EFCAB11: variants seen among roughly 807,000 people sequenced by gnomAD.
EFCAB11 encodes EF-hand calcium-binding domain-containing protein 11.
Under a neutral mutation model 23.0 loss-of-function variants are expected in EFCAB11, and 14 were observed. The ratio of observed to expected loss-of-function variants is 0.61; its 90% CI spans 0.40 to 0.95. The LOEUF is 0.95. EFCAB11 is among the 40% of genes least tolerant of loss of function. EFCAB11 has a pLI of 0.00. For synonymous variants in EFCAB11, 65 were observed against 66.6 expected (o/e 0.98, Z 0.11); for missense variants, 198 against 195.8 (o/e 1.01, Z -0.07).
At chr14:89,817,620 T>C in intron 5 of EFCAB11, among the ~76,000 whole-genome samples, 1 of 152,208 alleles carries the variant, frequency 6.6e-6, no homozygotes, top group East Asian at 1.9e-4. Flanking sequence ...TTCCCAAAGG[T>C]AGACGAAAAT....
chr14:89,883,050 T>C (rs909697681), intron 5 of EFCAB11, among the ~76,000 whole-genome samples: 4 of 152,098 alleles, frequency 2.6e-5, no homozygotes, highest in African/African-American at 7.2e-5. Flanking sequence ...CCAGCTCCCC[T>C]TTGCCTTCCA....
chr14:89,813,893 G>A (rs1397864935), intron 5 of EFCAB11, among the ~76,000 whole-genome samples: 5 of 152,128 alleles, frequency 3.3e-5, no homozygotes, highest in Non-Finnish European at 7.3e-5. Context: ...AGAAACAACC[G>A]TGCTTGACTT....
At chr14:89,842,363 T>C in intron 5 of EFCAB11, among the ~76,000 whole-genome samples, 1 of 152,064 alleles carries the variant, frequency 6.6e-6, no homozygotes, top group East Asian at 1.9e-4. Flanking sequence ...CCGAGGCAGG[T>C]GGATCACCTG....
intron 5 of EFCAB11, among the ~76,000 whole-genome samples, chr14:89,930,275 T>C (rs1039611226): frequency 1.2e-4 from 19 of 152,218 alleles, no homozygotes; most frequent in African/African-American, 4.1e-4. Flanking sequence ...AAATAACCTA[T>C]TTACTAATTT....
intron 5 of EFCAB11, among the ~76,000 whole-genome samples, chr14:89,849,253 A>C (rs1049931769): frequency 1.3e-5 from 2 of 151,648 alleles, no homozygotes; most frequent in Non-Finnish European, 1.5e-5. Flanking sequence ...CTATCCCTCC[A>C]CTCCACCATC....
chr14:89,929,640 C>T (rs1890320126), intron 5 of EFCAB11, among the ~76,000 whole-genome samples: 1 of 152,164 alleles, frequency 6.6e-6, no homozygotes, highest in Admixed American at 6.5e-5. Flanking sequence ...CCTGCCTCGG[C>T]CTCCCAAAGT....
intron 5 of EFCAB11, among the ~76,000 whole-genome samples, chr14:89,832,013 T>C (rs1179448572): frequency 6.6e-6 from 1 of 151,900 alleles, no homozygotes. Context: ...AACTTAGAGA[T>C]CTAAATCCCA....
intron 5 of EFCAB11, among the ~76,000 whole-genome samples, chr14:89,841,174 G>A (rs1257758706): frequency 6.6e-6 from 1 of 152,122 alleles, no homozygotes; most frequent in Admixed American, 6.6e-5. Context: ...ATCTGTCTCA[G>A]CTAATGCTCA....
chr14:89,865,452 C>G lies in EFCAB11; in HGVS notation c.410+66089G>C, dbSNP rs188963180. On this transcript the variant is annotated intron_variant, in intron 5 of 5. Coordinates refer to ENST00000316738, the MANE Select transcript of EFCAB11 (RefSeq NM_145231.4). ...GTCTGAAGAGGGAAGGGATGCTATG[C>G]GGGGAGAGAGAGAGAGAGATACTTT... is the stretch of plus-strand genomic sequence containing the variant. Among the ~76,000 whole-genome samples, 371 of 151,756 alleles carry G rather than the reference C, an allele frequency of 2.4e-3. 1 individual carries two copies. The highest frequency in any genetic ancestry group is 8.5e-3 in the African/African-American group (352 of 41,358).
chr14:89,936,118 T>G (rs1890573145), intron 3 of EFCAB11, among the ~76,000 whole-genome samples: 1 of 152,180 alleles, frequency 6.6e-6, no homozygotes, highest in Admixed American at 6.5e-5. Context: ...AACTGTCACT[T>G]CAGAAACTCC....
chr14:89,924,404 G>A, intron 5 of EFCAB11: 8 of 1,287,388 alleles, frequency 6.2e-6, no homozygotes, highest in Non-Finnish European at 7.9e-6. Context: ...GTCAGGGCAT[G>A]GACCTTATGC....
Position 89,811,778 on chromosome 14 carries a change from G to C in EFCAB11, c.411-14454C>G, listed in dbSNP as rs144832429. Among the ~76,000 whole-genome samples the C allele has an allele frequency of 4.7e-3, 723 of 152,258 alleles. 8 individuals are homozygous for C. The highest frequency in any genetic ancestry group is 0.016 in the African/African-American group (667 of 41,538). On this transcript the variant is annotated intron_variant, in intron 5 of 5. Coordinates refer to ENST00000316738, the MANE Select transcript of EFCAB11 (RefSeq NM_145231.4). ...TTTTAGCCCAATGATGGCCATTTTG[G>C]ATTTTGGCCTCCAGAAATGTAAGAT...
chr14:89,814,558 G>T (rs945129830), intron 5 of EFCAB11, among the ~76,000 whole-genome samples: 3 of 152,086 alleles, frequency 2.0e-5, no homozygotes, highest in Non-Finnish European at 4.4e-5. Context: ...TACAAAATTA[G>T]CCTGGCGTGG....
chr14:89,879,531 A>C (rs1006114974), intron 5 of EFCAB11, among the ~76,000 whole-genome samples: 1 of 152,180 alleles, frequency 6.6e-6, no homozygotes, highest in African/African-American at 2.4e-5. Context: ...CCTCCAAAAA[A>C]AAAATCAAGG....
At chr14:89,801,980 C>T (rs7147466) in intron 5 of EFCAB11, among the ~76,000 whole-genome samples, 7,304 of 136,640 alleles carry the variant, frequency 0.053, 516 homozygotes, top group African/African-American at 0.16. Context: ...GGCGATAGTG[C>T]GAGACTCTGT....
At chr14:89,803,564 G>C (rs1885858771) in intron 5 of EFCAB11, among the ~76,000 whole-genome samples, 2 of 152,200 alleles carry the variant, frequency 1.3e-5, no homozygotes, top group South Asian at 4.1e-4. Context: ...AGTTTTCTTA[G>C]TGGAATTTTT....
chr14:89,854,308 A>G (rs1168075448), intron 5 of EFCAB11, among the ~76,000 whole-genome samples: 1 of 152,116 alleles, frequency 6.6e-6, no homozygotes, highest in Non-Finnish European at 1.5e-5. Flanking sequence ...AATGACCCAT[A>G]GGAGAGCTGG....
intron 5 of EFCAB11, among the ~76,000 whole-genome samples, chr14:89,849,874 AG>A (rs2140138051): frequency 1.3e-5 from 2 of 152,306 alleles, no homozygotes; most frequent in African/African-American, 4.8e-5. Flanking sequence ...TGGGTTAACT[AG>A]ATTATATTTA....
intron 5 of EFCAB11, among the ~76,000 whole-genome samples, chr14:89,873,000 T>G (rs1333149911): frequency 2.6e-5 from 4 of 152,168 alleles, no homozygotes; most frequent in Non-Finnish European, 5.9e-5. Context: ...GAAAATAAAT[T>G]TTGCTGTTGT....
Sources: allele counts gnomAD v4.1 joint callset (sites outside exome capture counted in the v4.1 genomes callset), GRCh38; gene constraint gnomAD v4.1.1; transcripts MANE v1.5; gene names NCBI Gene and HGNC (gene_info 2026-07-23, HGNC 2026-07-21).